Variants in CSMD1 observed in about 807,000 individuals in gnomAD.
CSMD1 encodes the protein CUB and sushi domain-containing protein 1.
Under a neutral mutation model 417.5 loss-of-function variants are expected in CSMD1, and 213 were observed. The ratio of observed to expected loss-of-function variants is 0.51; its 90% CI spans 0.46 to 0.57. The LOEUF is 0.57. Among genes scored for constraint, CSMD1 ranks in the 20% least tolerant of loss-of-function variants. CSMD1 has a pLI of 0.00. For missense variants in CSMD1, 6,923 were observed against 4,529.7 expected (o/e 1.53, Z -15.17); for synonymous variants, 2,862 against 1,736.8 (o/e 1.65, Z -16.11).
chr8:4,444,511 A>G (rs1798667409), intron 2 of CSMD1, among the ~76,000 whole-genome samples: 1 of 152,110 alleles, frequency 6.6e-6, no homozygotes, highest in South Asian at 2.1e-4. Context: ...TTGACAGACA[A>G]GTTTTTTTAG....
At chr8:4,028,945 G>A (rs1797203947) in intron 4 of CSMD1, among the ~76,000 whole-genome samples, 1 of 152,126 alleles carries the variant, frequency 6.6e-6, no homozygotes, top group Non-Finnish European at 1.5e-5. Context: ...TAGTATTTTT[G>A]GAAAATGTAA....
chr8:3,968,132 A>G (rs1023119345), intron 5 of CSMD1, among the ~76,000 whole-genome samples: 9 of 151,672 alleles, frequency 5.9e-5, no homozygotes, highest in Admixed American at 3.9e-4. Context: ...GCTTGCAGTG[A>G]GCCGAGATCG....
chr8:4,744,503 T>C (rs1293141791), intron 1 of CSMD1, among the ~76,000 whole-genome samples: 1 of 152,202 alleles, frequency 6.6e-6, no homozygotes, highest in Non-Finnish European at 1.5e-5. Context: ...CATAGGTTTT[T>C]CTTTGTGATA....
chr8:3,053,002 C>A (rs968638492), intron 49 of CSMD1, among the ~76,000 whole-genome samples: 3 of 152,076 alleles, frequency 2.0e-5, no homozygotes, highest in Non-Finnish European at 4.4e-5. Context: ...GGCTGGTTGC[C>A]AACTCCCAAA....
intron 2 of CSMD1, among the ~76,000 whole-genome samples, chr8:4,465,173 G>A (rs1251137403): frequency 6.6e-6 from 1 of 152,156 alleles, no homozygotes; most frequent in African/African-American, 2.4e-5. Context: ...TATGTCACCA[G>A]AGGGAATAGG....
At chr8:3,748,848 T>G (rs946298021) in intron 6 of CSMD1, among the ~76,000 whole-genome samples, 12 of 152,184 alleles carry the variant, frequency 7.9e-5, no homozygotes, top group African/African-American at 2.4e-4. Flanking sequence ...ACAAACTAAT[T>G]ATTTGTGTCA....
At chr8:4,716,100 T>C (rs1274569817) in intron 1 of CSMD1, among the ~76,000 whole-genome samples, 1 of 152,106 alleles carries the variant, frequency 6.6e-6, no homozygotes, top group Non-Finnish European at 1.5e-5. Context: ...CAGGGACTCT[T>C]AGTCGGGAGA....
chr8:3,339,499 T>A (rs1009813693), intron 23 of CSMD1, among the ~76,000 whole-genome samples: 7 of 152,150 alleles, frequency 4.6e-5, no homozygotes, highest in Admixed American at 1.3e-4. Flanking sequence ...AATAGATTTA[T>A]CTCATCAGAG....
chr8:4,180,110 A>G (rs1798271334), intron 3 of CSMD1, among the ~76,000 whole-genome samples: 1 of 152,134 alleles, frequency 6.6e-6, no homozygotes, highest in Admixed American at 6.5e-5. Context: ...TCATGCTGCT[A>G]TGAAGACACA....
chr8:4,687,059 C>G (rs575067492), intron 1 of CSMD1, among the ~76,000 whole-genome samples: 4 of 152,322 alleles, frequency 2.6e-5, no homozygotes, highest in African/African-American at 7.2e-5. Flanking sequence ...TCTTCTGAGG[C>G]TGAGCTTCAG....
At chr8:4,586,285 A>C (rs557036400) in intron 2 of CSMD1, among the ~76,000 whole-genome samples, 6 of 152,234 alleles carry the variant, frequency 3.9e-5, no homozygotes, top group African/African-American at 1.4e-4. Context: ...AGTACCCATC[A>C]GCCATTCCCA....
chr8:4,158,827 C>A (rs994204686), intron 3 of CSMD1, among the ~76,000 whole-genome samples: 1 of 152,154 alleles, frequency 6.6e-6, no homozygotes, highest in Non-Finnish European at 1.5e-5. Context: ...GATGTAGAAT[C>A]CAATAATAGG....
intron 69 of CSMD1, among the ~76,000 whole-genome samples, chr8:2,940,149 G>A (rs1317567423): frequency 6.6e-6 from 1 of 152,226 alleles, no homozygotes; most frequent in African/African-American, 2.4e-5. Context: ...AGAAGCCAGT[G>A]TAGAGAGTGC....
At chr8:3,985,685 C>A (rs1296543243) in intron 5 of CSMD1, among the ~76,000 whole-genome samples, 1 of 152,028 alleles carries the variant, frequency 6.6e-6, no homozygotes. Flanking sequence ...CTCATTACAA[C>A]CTCCAAGAAT....
At chr8:3,919,184 C>CAAAAA (rs71203490) in intron 5 of CSMD1, among the ~76,000 whole-genome samples, 2 of 91,800 alleles carry the variant, frequency 2.2e-5, no homozygotes, top group African/African-American at 3.7e-5. Context: ...GTGTCATATC[C>CAAAAA]AAAAAAAAAA....
chr8:4,269,598 C>T (rs1487794692), intron 3 of CSMD1, among the ~76,000 whole-genome samples: 2 of 152,116 alleles, frequency 1.3e-5, no homozygotes, highest in African/African-American at 2.4e-5. Context: ...CCTTCACATA[C>T]AGTTTAACCT....
intron 41 of CSMD1, among the ~76,000 whole-genome samples, chr8:3,120,381 G>T (rs1817127737): frequency 6.6e-6 from 1 of 152,184 alleles, no homozygotes; most frequent in African/African-American, 2.4e-5. Context: ...CGCAATATGT[G>T]GGCCTACAGC....
intron 5 of CSMD1, among the ~76,000 whole-genome samples, chr8:3,839,479 ATTATATAT>A (rs1379140621): frequency 7.9e-6 from 1 of 126,056 alleles, no homozygotes. Context: ...ATATAATTAT[ATTATATAT>A]TTATATATTA....
chr8:3,936,267 C>G lies in CSMD1; in HGVS notation c.818+61636G>C, dbSNP rs117033973. ...TGATGGAAAGCTACAGCAAGTTATC[C>G]AGAAGATCTAGCTAAGATCAGTGAC... On this transcript the variant is annotated intron_variant, in intron 5 of 69. Transcript: ENST00000635120. Among the ~76,000 whole-genome samples, 253 of 151,730 alleles carry G rather than the reference C, an allele frequency of 1.7e-3. 4 individuals are homozygous for G. The highest frequency in any genetic ancestry group is 0.013 in the South Asian group (62 of 4,794).
Sources: gnomAD v4.1 joint callset for allele counts (sites outside exome capture counted in the v4.1 genomes callset) on GRCh38, gnomAD v4.1.1 for gene constraint, MANE v1.5 for transcripts, NCBI Gene and HGNC (gene_info 2026-07-23, HGNC 2026-07-21) for gene names.